Variants in CDC42SE2 observed in about 807,000 individuals in gnomAD.
The protein encoded by CDC42SE2 is CDC42 small effector protein 2.
CDC42SE2 carries 3 observed loss-of-function variants against 11.5 expected under a neutral mutation model. That is an observed-to-expected ratio of 0.26 (90% CI 0.12 to 0.67). CDC42SE2 has a LOEUF of 0.67. Ranked by LOEUF, CDC42SE2 falls within the 30% of genes least tolerant of loss-of-function variation. The pLI, the probability that CDC42SE2 is intolerant of heterozygous loss-of-function variation, is 0.80. For missense variants in CDC42SE2, 82 were observed against 106.8 expected (o/e 0.77, Z 1.02); for synonymous variants, 33 against 34.8 (o/e 0.95, Z 0.18).
At chr5:131,380,433 C>A (rs917809230) in intron 3 of CDC42SE2, among the ~76,000 whole-genome samples, 8 of 152,216 alleles carry the variant, frequency 5.3e-5, no homozygotes, top group African/African-American at 1.9e-4. Context: ...AGGCATGAGT[C>A]ACCATGCCCA....
intron 4 of CDC42SE2, 58 bp from the exon 5 acceptor site, chr5:131,390,935 G>A: frequency 9.0e-7 from 1 of 1,107,908 alleles, no homozygotes; most frequent in Non-Finnish European, 1.3e-6. Context: ...TTACTTAGTT[G>A]CACCGGACCT....
At chr5:131,237,411 G>A in the CDC42SE2 span, among the ~76,000 whole-genome samples, 2 of 152,142 alleles carry the variant, frequency 1.3e-5, no homozygotes, top group African/African-American at 4.8e-5. Flanking sequence ...TGTTTTCAGT[G>A]AAATTGTTCT....
At chr5:131,211,517 C>T in the CDC42SE2 span, among the ~76,000 whole-genome samples, 1 of 152,160 alleles carries the variant, frequency 6.6e-6, no homozygotes, top group Non-Finnish European at 1.5e-5. Context: ...ACATTCTTTC[C>T]TCATGTGTCT....
chr5:131,312,607 G>A lies in CDC42SE2; in HGVS notation c.-454-3369G>A, dbSNP rs556220971. On this transcript the variant is annotated intron_variant, in intron 1 of 4. Transcript: ENST00000505065. ...AATCAGCGATACTCCGTGGGCGTAG[G>A]ACCCTCCGAGCCAGGCGCGGGATAT... Among the ~76,000 whole-genome samples, 436 of 152,286 alleles carry A rather than the reference G, an allele frequency of 2.9e-3. 2 individuals are homozygous for A. The highest frequency in any genetic ancestry group is 4.3e-3 in the Non-Finnish European group (293 of 68,024).
chr5:131,213,020 G>C, the CDC42SE2 span, among the ~76,000 whole-genome samples: 1 of 152,072 alleles, frequency 6.6e-6, no homozygotes, highest in African/African-American at 2.4e-5. Flanking sequence ...GTGAAACCCC[G>C]TCTCTACTAA....
At chr5:131,239,775 G>C in the CDC42SE2 span, among the ~76,000 whole-genome samples, 1 of 152,164 alleles carries the variant, frequency 6.6e-6, no homozygotes, top group Admixed American at 6.5e-5. Context: ...TTCCTCATCT[G>C]GAAGAAGCTT....
At chr5:131,321,551 C>T (rs147032652) in intron 2 of CDC42SE2, among the ~76,000 whole-genome samples, 47 of 151,908 alleles carry the variant, frequency 3.1e-4, no homozygotes, top group East Asian at 1.9e-3. Flanking sequence ...AAAAGGTGCC[C>T]GTGATGTATA....
At chr5:131,354,603 G>A (rs1275007728) in intron 2 of CDC42SE2, 2 of 152,008 alleles carry the variant, frequency 1.3e-5, no homozygotes, top group Non-Finnish European at 2.9e-5. Flanking sequence ...ATTTTGTTTT[G>A]TGTAAAACCA....
At chr5:131,302,419 T>G (rs972895286) in intron 1 of CDC42SE2, among the ~76,000 whole-genome samples, 6 of 152,184 alleles carry the variant, frequency 3.9e-5, no homozygotes, top group Non-Finnish European at 7.4e-5. Context: ...CCTCGGGTGA[T>G]CCGCCTGCCT....
chr5:131,307,217 TC>T (rs1428944591), intron 1 of CDC42SE2, among the ~76,000 whole-genome samples: 2 of 64,638 alleles, frequency 3.1e-5, no homozygotes, highest in African/African-American at 6.4e-5. Flanking sequence ...CCCTCCCCCC[TC>T]CCCCCACCCG....
chr5:131,309,958 C>T (rs1580745591), intron 1 of CDC42SE2, among the ~76,000 whole-genome samples: 2 of 152,180 alleles, frequency 1.3e-5, no homozygotes, highest in African/African-American at 4.8e-5. Context: ...CAGTTCTGCT[C>T]TGATCTTAGT....
the CDC42SE2 span, among the ~76,000 whole-genome samples, chr5:131,223,453 A>G: frequency 2.6e-5 from 4 of 152,340 alleles, no homozygotes; most frequent in South Asian, 4.1e-4. Context: ...CTTGTGATCA[A>G]TATCACAACT....
At chr5:131,225,308 G>T in the CDC42SE2 span, among the ~76,000 whole-genome samples, 1 of 152,170 alleles carries the variant, frequency 6.6e-6, no homozygotes, top group Non-Finnish European at 1.5e-5. Context: ...GGGATTTCAG[G>T]CCTAAATATT....
At chr5:131,321,134 A>G (rs1428092060) in intron 2 of CDC42SE2, among the ~76,000 whole-genome samples, 1 of 152,230 alleles carries the variant, frequency 6.6e-6, no homozygotes, top group Non-Finnish European at 1.5e-5. Context: ...ATTTAAATGT[A>G]CATGCTCTTT....
At chr5:131,235,848 C>T in the CDC42SE2 span, among the ~76,000 whole-genome samples, 2 of 152,134 alleles carry the variant, frequency 1.3e-5, no homozygotes, top group African/African-American at 2.4e-5. Flanking sequence ...CCTGCCTCAG[C>T]GTCCCAAAGT....
the CDC42SE2 span, among the ~76,000 whole-genome samples, chr5:131,238,311 C>G: frequency 6.6e-6 from 1 of 151,978 alleles, no homozygotes; most frequent in South Asian, 2.1e-4. Context: ...TCCCGGCTAA[C>G]ACGGTGAAAA....
At chr5:131,370,448 T>C (rs1749985469) in intron 3 of CDC42SE2, among the ~76,000 whole-genome samples, 1 of 152,140 alleles carries the variant, frequency 6.6e-6, no homozygotes, top group African/African-American at 2.4e-5. Flanking sequence ...AAGATTTCTT[T>C]CATTCAGTGT....
chr5:131,325,501 A>G lies in CDC42SE2; in HGVS notation c.-286+9357A>G, dbSNP rs564120632. Among the ~76,000 whole-genome samples, 19 of 148,956 alleles carry G rather than the reference A, an allele frequency of 1.3e-4. No homozygotes were observed. In the South Asian group the frequency reaches 2.5e-3, roughly 20 times the overall value. ...ATTAAGTGGTTTTTTTTTTTTTTGA[A>G]GTAGTAGTCCTAAGAATCTCTCAAA... is the stretch of plus-strand genomic sequence containing the variant. On this transcript the variant is annotated intron_variant, in intron 2 of 4. Transcript: ENST00000505065.
chr5:131,305,886 A>G (rs908127822), intron 1 of CDC42SE2, among the ~76,000 whole-genome samples: 1 of 152,188 alleles, frequency 6.6e-6, no homozygotes, highest in African/African-American at 2.4e-5. Flanking sequence ...TGACAGTTTC[A>G]GGTCTTACAT....
Sources: allele counts gnomAD v4.1 joint callset (sites outside exome capture counted in the v4.1 genomes callset), GRCh38; gene constraint gnomAD v4.1.1; transcripts MANE v1.5; gene names NCBI Gene and HGNC (gene_info 2026-07-23, HGNC 2026-07-21).